The following TSC2 variants were observed in gnomAD, a reference collection of about 807,000 sequenced individuals.
TSC2 encodes tuberin.
Under a neutral mutation model 202.2 loss-of-function variants are expected in TSC2, and 29 were observed. That is an observed-to-expected ratio of 0.14 (90% CI 0.11 to 0.20). TSC2 has a LOEUF of 0.20. TSC2 is among the 10% of genes least tolerant of loss of function. The pLI is 1.00. For missense variants in TSC2, 2,429 were observed against 2,420.0 expected (o/e 1.00, Z -0.08); for synonymous variants, 1,349 against 1,044.0 (o/e 1.29, Z -5.63).
At chr16:2,063,463 C>T (rs1040585924) in intron 14 of TSC2, 9 of 318,234 alleles carry the variant, frequency 2.8e-5, no homozygotes, top group African/African-American at 1.5e-4. Flanking sequence ...TGCGGGCTCT[C>T]CCTCTCCACT....
Position 2,079,646 on chromosome 16 carries a change from G to A in TSC2, c.3374G>A (p.Arg1125Gln), listed in dbSNP as rs796053475. The change falls in exon 29 of 42, where the codon CGG becomes CAG. Residue 1125 changes from arginine to glutamine, a missense_variant. Arg to Gln is a conservative substitution (Grantham distance 43, BLOSUM62 1). Transcript: ENST00000219476. This position sits in a 1 kb window ranked among gnomAD's most constrained non-coding sequence, Gnocchi z 4.6. ...QAGQQVSRGA[R>Q]DRVRSMSGGH... ...GGGCAGCAGGTGTCCCGTGGGGCCC[G>A]GGATCGGGTCCGTTCCATGTCGGGT... The A allele has an allele frequency of 6.9e-6, 11 of 1,603,250 alleles. No homozygotes were observed. Among genetic ancestry groups the A allele is most frequent in the East Asian group, 2.2e-5 (1 of 44,518 alleles).
rs779310889 is a variant in TSC2 at position 2,053,386 on chromosome 16, G to A, written c.270G>A (p.Gln90=). Residue 90 remains glutamine, a synonymous_variant, in exon 4 of 42, where the codon CAG becomes CAA. Transcript: ENST00000219476. ...ALWKAVADLL[Q]PERPLEARHA... The stretch of plus-strand genomic sequence containing the variant: ...GGAAGGCGGTCGCGGATCTGTTGCA[G>A]CCGGAGCGGCCGCTGGAGGCCCGGC... 1.8e-5 allele frequency: 29 copies of A among 1,591,418 alleles called. No homozygotes were observed. The highest frequency in any genetic ancestry group is 2.3e-5 in the Non-Finnish European group (27 of 1,170,186).
intron 6 of TSC2, 26 bp downstream of exon 6, chr16:2,055,545 C>G (rs2151062626): frequency 6.3e-7 from 1 of 1,593,600 alleles, no homozygotes; most frequent in Non-Finnish European, 8.6e-7. Flanking sequence ...AGATCCTGTT[C>G]TGATAATGGT....
chr16:2,059,264 C>T (rs1168285784), intron 10 of TSC2, among the ~76,000 whole-genome samples: 4 of 151,370 alleles, frequency 2.6e-5, no homozygotes, highest in African/African-American at 9.7e-5. Context: ...GTGATCCACC[C>T]ATCTCAGACT....
rs35364892 is a variant in TSC2 at position 2,056,112 on chromosome 16, C to T, written c.600-84C>T. On this transcript the variant is annotated intron_variant, in intron 6 of 41. Transcript: ENST00000219476. ...GAGGATGAGCCATGCGTGTTATTGA[C>T]GTCATAGAGTGACTAGACCACAGCC... 9.2e-3 allele frequency: 14,487 copies of T among 1,568,486 alleles called. 114 individuals are homozygous for T. The highest frequency in any genetic ancestry group is 0.019 in the South Asian group (1,755 of 90,054).
Position 2,081,609 on chromosome 16 carries a change from C to G in TSC2, c.3625C>G (p.Leu1209Val). ...VRRPTGNTSW[L>V]MSLENPLSPF... ...CGCCTCCGCAGGGAACACCAGCTGG[C>G]TGATGAGCCTGGAGAACCCGCTCAG... is the stretch of plus-strand genomic sequence containing the variant. The change falls in exon 31 of 42, where the codon CTG (leucine) becomes GTG (valine). Residue 1209 changes from leucine to valine, a missense_variant. Physicochemically the swap from Leu to Val is conservative, Grantham distance 32 (BLOSUM62 1). Transcript: ENST00000219476. 1 of 1,612,876 alleles carries G rather than the reference C, an allele frequency of 6.2e-7. No individual in the cohort carries two copies. The highest frequency in any genetic ancestry group is 8.5e-7 in the Non-Finnish European group (1 of 1,179,992).
In TSC2 at chr16:2,055,103, C is replaced by T. The variant is rs568669537; in HGVS notation, c.482-299C>T. 371 of 477,858 alleles carry T rather than the reference C, an allele frequency of 7.8e-4. 1 individual carries two copies. The highest frequency in any genetic ancestry group is 6.6e-3 in the African/African-American group (338 of 51,138). 29.6% of individuals were successfully genotyped at this position (477,858 alleles called of 1,614,324 possible). The stretch of plus-strand genomic sequence containing the variant: ...CCCAGGAGTCTGGTGATGTCGGCGT[C>T]TCCCAGCCTCGGGTTGGGCCCTGAG... On this transcript the variant is annotated intron_variant, in intron 5 of 41. Coordinates refer to ENST00000219476, the MANE Select transcript of TSC2 (RefSeq NM_000548.5).
chr16:2,078,974 A>C (rs2089776305), intron 26 of TSC2, 58 bp from the exon 27 acceptor site: 1 of 1,606,372 alleles, frequency 6.2e-7, no homozygotes, highest in Admixed American at 1.7e-5. Context: ...CCTTGGTGAT[A>C]GGTGGCTCGG....
In TSC2 at chr16:2,070,377, C is replaced by G. The variant is rs984752315; in HGVS notation, c.1717-79C>G. The G allele has an allele frequency of 5.6e-6, 9 of 1,611,838 alleles. No individual in the cohort carries two copies. The Admixed American group carries it at 8.3e-5, about 15-fold the overall frequency. ...CACTCTAGAGCAGCCGCCCCGGCCC[C>G]TGCTCCGGGACAAGGGTGCTGTCTT... On this transcript the variant is annotated intron_variant, in intron 16 of 41. Coordinates refer to ENST00000219476, the MANE Select transcript of TSC2 (RefSeq NM_000548.5).
intron 3 of TSC2, among the ~76,000 whole-genome samples, chr16:2,050,764 T>TCATC (rs1685619252): frequency 6.6e-6 from 1 of 151,894 alleles, no homozygotes; most frequent in Admixed American, 6.6e-5. Flanking sequence ...GCTTTTTGTA[T>TCATC]TTTTAGTAGA....
At position 2,075,793 on chromosome 16, in the gene TSC2, C is replaced by T. The variant is rs372088609; in HGVS notation, c.2546-6C>T. The T allele has an allele frequency of 6.8e-6, 11 of 1,612,196 alleles. No individual in the cohort carries two copies. The African/African-American group carries it at 1.5e-4, about 22-fold the overall frequency. On this transcript the variant is annotated splice_polypyrimidine_tract_variant and splice_region_variant and intron_variant, in intron 22 of 41. Coordinates refer to ENST00000219476, the MANE Select transcript of TSC2 (RefSeq NM_000548.5). ...GCTCCCCTGACCACCCTCTCCATTA[C>T]CGCAGCTCTGGCCAGGCTGCCGCAC...
intron 30 of TSC2, 48 bp downstream of exon 30, chr16:2,080,425 C>T (rs1013432493): frequency 2.5e-6 from 4 of 1,602,272 alleles, no homozygotes; most frequent in African/African-American, 1.3e-5. Flanking sequence ...CAGTCACCCA[C>T]AGAGCTGTGG....
rs375406671 is a variant in TSC2, at chr16:2,088,006, G to A, written c.5069-42G>A. On this transcript the variant is annotated intron_variant, in intron 39 of 41. Transcript: ENST00000219476. ...GCCGGGTGGGGCCCTGCAGTGTGGC[G>A]CCAAGAGCCCTGGGCCTGGCGTGAC... 323 of 1,610,578 alleles carry A rather than the reference G, an allele frequency of 2.0e-4. No individual in the cohort carries two copies. In the African/African-American group the frequency reaches 3.0e-3, roughly 15 times the overall value.
intron 24 of TSC2, 124 bp downstream of exon 24, chr16:2,076,294 G>A (rs1374993794): frequency 6.4e-7 from 1 of 1,563,156 alleles, no homozygotes; most frequent in African/African-American, 1.4e-5. Flanking sequence ...TTGGGGCTGT[G>A]CCTGTGGCGC....
chr16:2,061,548 A>T (rs999774859), intron 11 of TSC2: 40 of 437,292 alleles, frequency 9.1e-5, no homozygotes, highest in Non-Finnish European at 1.2e-4. Flanking sequence ...GCCCAGCTGC[A>T]TGGGCACAGC....
rs749875773 is a variant in TSC2, at chr16:2,085,268, G to C, written c.4608G>C (p.Gln1536His). The C allele has an allele frequency of 1.2e-6, 2 of 1,612,748 alleles. No homozygotes were observed. The highest frequency in any genetic ancestry group is 2.2e-5 in the South Asian group (2 of 91,082). The change falls in exon 36 of 42, where the codon CAG (glutamine) becomes CAC (histidine). Residue 1536 changes from glutamine (Q) to histidine (H), a missense_variant. By Grantham distance (24) the Gln-to-His change is conservative. Transcript: ENST00000219476. The part of the protein sequence containing the change: ...SFERSVQLLD[Q>H]IPSYDTHKIA... The stretch of plus-strand genomic sequence containing the variant: ...AGCGGTCGGTGCAGCTCCTCGACCA[G>C]ATCCCATCATACGACACCCACAAGA...
In TSC2 at chr16:2,076,369, G is replaced by C. The variant is rs991322078; in HGVS notation, c.2743-122G>C. 6 of 1,578,808 alleles carry C rather than the reference G, an allele frequency of 3.8e-6. No homozygotes were observed. In the African/African-American group the frequency reaches 8.1e-5, roughly 21 times the overall value. ...GGCAGGCATTGAGGGGTGGGAGCTG[G>C]GTGCCGCCGCCTTGCCCCTAGCCTG... On this transcript the variant is annotated intron_variant, in intron 24 of 41. Transcript: ENST00000219476.
intron 31 of TSC2, 51 bp from the exon 32 acceptor site, chr16:2,082,385 T>C: frequency 6.3e-7 from 1 of 1,598,900 alleles, no homozygotes; most frequent in Non-Finnish European, 8.6e-7. Context: ...GCTCGACCTG[T>C]GTGTAGCCCC....
At chr16:2,056,085 G>T in intron 6 of TSC2, 111 bp from the exon 7 acceptor site, 2 of 1,426,552 alleles carry the variant, frequency 1.4e-6, no homozygotes, top group Non-Finnish European at 1.9e-6. Flanking sequence ...GGGACCCCCA[G>T]GGAGGATGAG....
Sources: gnomAD v4.1 joint callset for allele counts (sites outside exome capture counted in the v4.1 genomes callset) on GRCh38, gnomAD v4.1.1 for gene constraint, Gnocchi (gnomAD v3.1) non-coding constraint, MANE v1.5 for transcripts, NCBI Gene and HGNC (gene_info 2026-07-23, HGNC 2026-07-21) for gene names.